CCNL2: variants seen among roughly 807,000 people sequenced by gnomAD.
CCNL2 encodes cyclin L2, also known as cyclin-L2.
Under a neutral mutation model 59.1 loss-of-function variants are expected in CCNL2, and 28 were observed. The ratio of observed to expected loss-of-function variants is 0.47; its 90% CI spans 0.35 to 0.65. The LOEUF (loss-of-function observed/expected upper bound fraction) is 0.65. Ranked by LOEUF, CCNL2 falls within the 30% of genes least tolerant of loss-of-function variation. CCNL2 has a pLI of 0.00. For synonymous variants in CCNL2, 342 were observed against 288.6 expected, an observed-to-expected ratio of 1.19 and a Z score of -1.88; for missense variants, 714 against 717.4, an observed-to-expected ratio of 1.00 and a Z score of 0.05.
Position 1,390,859 on chromosome 1 carries a change from G to T in CCNL2, c.666C>A (p.Tyr222Ter). 6.2e-7 allele frequency: 1 copy of T among 1,613,946 alleles called. No individual in the cohort carries two copies. Among genetic ancestry groups the T allele is most frequent in the Non-Finnish European group, 8.5e-7 (1 of 1,179,834 alleles). ...CGTCGGTGCGAAGGCTGTCGTTCATGTAATTCCTGGAAGCCAAACACAGGA... is the reference window on the plus strand; with the variant it reads ...CGTCGGTGCGAAGGCTGTCGTTCATTTAATTCCTGGAAGCCAAACACAGGA... ...NQHLVQTSWN[Y>*]MNDSLRTDVF... The change falls in exon 6 of 11, where the codon TAC becomes TAA. Residue 222 changes from tyrosine to a stop codon, truncating the protein, a stop_gained. Coordinates refer to ENST00000400809, the MANE Select transcript of CCNL2 (RefSeq NM_030937.6). LOFTEE classifies it high-confidence loss of function.
chr1:1,388,766 G>C (rs1410574121), intron 8 of CCNL2: 2 of 270,770 alleles, frequency 7.4e-6, no homozygotes, highest in South Asian at 5.6e-5. Context: ...GTAAGACTCC[G>C]TCTCAGAAAA....
In CCNL2 at chr1:1,398,603, G is replaced by A. The variant is rs759286361; in HGVS notation, c.357C>T (p.Ser119=). 2 of 1,613,530 alleles carry A rather than the reference G, an allele frequency of 1.2e-6. No individual in the cohort carries two copies. The highest frequency in any genetic ancestry group is 1.7e-6 in the Non-Finnish European group (2 of 1,179,702). Residue 119 remains serine, a synonymous_variant, in exon 2 of 11, where the codon TCC becomes TCT. Transcript: ENST00000400809. The stretch of plus-strand genomic sequence containing the variant: ...GTGCAGGAGGAAGCCTTACCTCCAT[G>A]GAGTGCTTCACGAAGGACTTGGTAT... ...FFYTKSFVKH[S]MEHVSMACVH... is the part of the protein sequence containing the mutation.
chr1:1,395,194 T>C (rs1644951671), intron 4 of CCNL2, 200 bp downstream of exon 4: 3 of 502,690 alleles, frequency 6.0e-6, no homozygotes, highest in South Asian at 4.4e-5. Flanking sequence ...CACTTAAAAA[T>C]GTGTTACTAA....
Position 1,390,762 on chromosome 1 carries a change from T to G in CCNL2, c.759+4A>C, listed in dbSNP as rs753835778. 3.7e-6 allele frequency: 6 copies of G among 1,613,232 alleles called. No homozygotes were observed. In the South Asian group the frequency reaches 5.5e-5, roughly 15 times the overall value. ...GAATCTCTCCATAGTAGCAACACAC[T>G]GACCTCCAGCGTCCGGGCAGCAAGA... On this transcript the variant is annotated splice_donor_region_variant and intron_variant, in intron 6 of 10. Coordinates refer to ENST00000400809, the MANE Select transcript of CCNL2 (RefSeq NM_030937.6).
At chr1:1,392,941 A>AGAATCCCCC in intron 5 of CCNL2, 1 of 852,628 alleles carries the variant, frequency 1.2e-6, no homozygotes, top group African/African-American at 1.7e-5. Flanking sequence ...CAGAATCCCC[A>AGAATCCCCC]GAATCCCCCA....
At chr1:1,393,329 G>T in intron 5 of CCNL2, 67 bp downstream of exon 5, 3 of 1,360,042 alleles carry the variant, frequency 2.2e-6, no homozygotes, top group Non-Finnish European at 3.2e-6. Flanking sequence ...CACTGCCCAA[G>T]TGCCTCAAGT....
intron 4 of CCNL2, among the ~76,000 whole-genome samples, chr1:1,393,917 A>G (rs1644876117): frequency 6.6e-6 from 1 of 152,190 alleles, no homozygotes; most frequent in African/African-American, 2.4e-5. Flanking sequence ...ACCTGAGGTC[A>G]GGAGTTCGAG....
Position 1,398,286 on chromosome 1 carries a change from G to T in CCNL2, c.420C>A (p.Arg140=). 6.2e-7 allele frequency: 1 copy of T among 1,614,226 alleles called. No individual in the cohort carries two copies. Among genetic ancestry groups the T allele is most frequent in the Non-Finnish European group, 8.5e-7 (1 of 1,180,038 alleles). The part of the protein sequence containing the change: ...LASKIEEAPR[R]IRDVINVFHR... ...GAAACACATTGATGACGTCCCGTATGCGTCTTGGGGCCTCTTCTATCTTGG... is the reference window on the plus strand; with the variant it reads ...GAAACACATTGATGACGTCCCGTATTCGTCTTGGGGCCTCTTCTATCTTGG... The change falls in exon 3 of 11, where the codon CGC becomes CGA. Residue 140 remains arginine, a synonymous_variant. Transcript: ENST00000400809.
In CCNL2 at chr1:1,386,959, G is replaced by T; in HGVS notation, c.*272C>A. 3 of 396,522 alleles carry T rather than the reference G, an allele frequency of 7.6e-6. No homozygotes were observed. Among genetic ancestry groups the T allele is most frequent in the East Asian group, 3.8e-5 (1 of 26,594 alleles). The allele number at this position is 396,522 out of a possible 1,614,324, so 24.6% of individuals were successfully genotyped here. A position where few individuals can be genotyped will look rare whatever the true frequency, so the allele number is the denominator to read the frequency against. ...TGTGCATTCACTTTTTCATTGAGCT[G>T]CCCTCAGAGCTGCTGCCGAGCTGAG... On this transcript the variant is annotated 3_prime_UTR_variant, in exon 11 of 11. Coordinates refer to ENST00000400809, the MANE Select transcript of CCNL2 (RefSeq NM_030937.6).
At chr1:1,388,587 A>C (rs544534576) in intron 8 of CCNL2, 18,651 of 425,988 alleles carry the variant, frequency 0.044, 455 homozygotes, top group South Asian at 0.085. Context: ...CTCTCTCTAT[A>C]TATATATATA....
chr1:1,399,287 G>T lies in CCNL2; in HGVS notation c.20C>A (p.Ala7Glu), dbSNP rs757140991. 180 of 1,449,244 alleles carry T rather than the reference G, an allele frequency of 1.2e-4. No homozygotes were observed. The highest frequency in any genetic ancestry group is 1.6e-4 in the Non-Finnish European group (174 of 1,108,510). 89.8% of individuals were successfully genotyped at this position (1,449,244 alleles called of 1,614,324 possible). MAAAAA[A>E]AGAAGSAAPA... ...AGCTGCCGACCCTGCAGCACCAGCC[G>T]CCGCCGCCGCCGCCGCCATTTTGTG... The change falls in exon 1 of 11, where the codon GCG (alanine) becomes GAG (glutamate). Residue 7 changes from alanine (A) to glutamate (E), a missense_variant. By Grantham distance (107) the Ala-to-Glu change is moderately radical (BLOSUM62 -1). Around this residue, in one of 5 missense-constraint regions of CCNL2, gnomAD observed 270 missense variants for 254.9 expected, o/e 1.06. Coordinates refer to ENST00000400809, the MANE Select transcript of CCNL2 (RefSeq NM_030937.6).
In CCNL2 at chr1:1,387,469, TCA is replaced by T; in HGVS notation, c.1323_1324del (p.Glu442AspfsTer37). 6.2e-7 allele frequency: 1 copy of T among 1,611,706 alleles called. No individual in the cohort carries two copies. The highest frequency in any genetic ancestry group is 1.1e-5 in the South Asian group (1 of 91,006). Reference sequence around the variant, plus strand: ...CTTGGACTTCCGGGAGCCCCGAATCTCAGAGCCTTTGTAGGGAGCGCTGCGGG... The same window carrying T: ...CTTGGACTTCCGGGAGCCCCGAATCTGAGCCTTTGTAGGGAGCGCTGCGGG... On this transcript the variant is annotated frameshift_variant, in exon 11 of 11. Transcript: ENST00000400809. LOFTEE classifies it high-confidence loss of function.
rs750672036 is a variant in CCNL2 at position 1,395,514 on chromosome 1, C to T, written c.474G>A (p.Lys158=). ...GATCCAGTAGTAGAGGCACGGGCTT[C>T]CTGCCAGAGAGAGAGCACAGGGTCT... ...FHRLRQLRDK[K]KPVPLLLDQD... Residue 158 remains lysine (K), a splice_region_variant and synonymous_variant, in exon 4 of 11, where the codon AAG becomes AAA. Transcript: ENST00000400809. 7 of 1,613,894 alleles carry T rather than the reference C, an allele frequency of 4.3e-6. No homozygotes were observed. Among genetic ancestry groups the T allele is most frequent in the Non-Finnish European group, 5.9e-6 (7 of 1,180,022 alleles).
intron 4 of CCNL2, among the ~76,000 whole-genome samples, chr1:1,394,078 T>A (rs1342855652): frequency 6.6e-6 from 1 of 151,104 alleles, no homozygotes; most frequent in African/African-American, 2.4e-5. Flanking sequence ...TGAGCTGAGG[T>A]TGCGCCATTG....
intron 8 of CCNL2, 33 bp downstream of exon 8, chr1:1,390,197 G>C: frequency 6.4e-7 from 1 of 1,574,582 alleles, no homozygotes; most frequent in East Asian, 2.3e-5. Flanking sequence ...TTGCCTTTGT[G>C]GGGAGTGGAT....
intron 5 of CCNL2, chr1:1,392,339 C>T (rs1644805348): frequency 9.9e-7 from 1 of 1,008,562 alleles, no homozygotes; most frequent in Non-Finnish European, 1.2e-6. Flanking sequence ...TTCAAAGTAT[C>T]CATGAAATAA....
At chr1:1,398,960 C>T (rs1241133952) in intron 1 of CCNL2, 59 bp downstream of exon 1, 2 of 1,506,522 alleles carry the variant, frequency 1.3e-6, no homozygotes, top group Non-Finnish European at 1.8e-6. Context: ...TCGCCGCCAA[C>T]AAAGGCGGCT....
Position 1,387,550 on chromosome 1 carries a change from G to A in CCNL2, c.1244C>T (p.Ser415Phe). The A allele has an allele frequency of 6.6e-7, 1 of 1,523,764 alleles. No homozygotes were observed. Among genetic ancestry groups the A allele is most frequent in the South Asian group, 1.3e-5 (1 of 77,816 alleles). 94.4% of individuals were successfully genotyped at this position (1,523,764 alleles called of 1,614,324 possible). A position where few individuals can be genotyped will look rare whatever the true frequency, so the allele number is the denominator to read the frequency against. ...KSDSGSTSGG[S>F]KSQSRSRSRS... is the part of the protein sequence containing the mutation. ...GCTCCGGGAGCGGCTCTGCGACTTG[G>A]ACCCACCAGATGTGGAGCCGCTGTC... Residue 415 changes from serine to phenylalanine, a missense_variant, in exon 11 of 11, where the codon TCC becomes TTC. By Grantham distance (155) the Ser-to-Phe change is radical. Coordinates refer to ENST00000400809, the MANE Select transcript of CCNL2 (RefSeq NM_030937.6).
chr1:1,387,145 C>A lies in CCNL2; in HGVS notation c.*86G>T. 1.8e-6 allele frequency: 2 copies of A among 1,133,708 alleles called. No homozygotes were observed. The highest frequency in any genetic ancestry group is 2.8e-5 in the South Asian group (2 of 71,488). The allele number at this position is 1,133,708 out of a possible 1,614,324, so 70.2% of individuals were successfully genotyped here. A position where few individuals can be genotyped will look rare whatever the true frequency, so the allele number is the denominator to read the frequency against. On this transcript the variant is annotated 3_prime_UTR_variant, in exon 11 of 11. Coordinates refer to ENST00000400809, the MANE Select transcript of CCNL2 (RefSeq NM_030937.6). ...TTGCGCTGAGAGCACACCCGGGGGT[C>A]AAAGGGCAGCCACCGGGGGTCAAAG...
Sources: allele counts gnomAD v4.1 joint callset (sites outside exome capture counted in the v4.1 genomes callset), GRCh38; gene constraint gnomAD v4.1.1; regional missense constraint gnomAD v4.1.1; transcripts MANE v1.5; gene names NCBI Gene and HGNC (gene_info 2026-07-23, HGNC 2026-07-21).